TCF12: variants seen among roughly 807,000 people sequenced by gnomAD.
TCF12 encodes the protein transcription factor 12.
TCF12 carries 45 observed loss-of-function variants against 86.0 expected under a neutral mutation model. The observed-to-expected ratio is 0.52, with a 90% CI of 0.41 to 0.67. TCF12 has a LOEUF of 0.67. TCF12 is among the 30% of genes least tolerant of loss of function. The pLI, the probability that TCF12 is intolerant of heterozygous loss-of-function variation, is 0.00. For synonymous variants in TCF12, 330 were observed against 299.6 expected, an observed-to-expected ratio of 1.10 and a Z score of -1.05; for missense variants, 881 against 859.9, an observed-to-expected ratio of 1.02 and a Z score of -0.31.
chr15:57,067,774 T>G (rs946512115), intron 4 of TCF12, among the ~76,000 whole-genome samples: 3 of 152,140 alleles, frequency 2.0e-5, no homozygotes, highest in African/African-American at 7.2e-5. Context: ...CATGAACATA[T>G]AGATAGAATC....
intron 3 of TCF12, among the ~76,000 whole-genome samples, chr15:57,028,403 A>C (rs1309259033): frequency 1.3e-5 from 2 of 152,088 alleles, no homozygotes; most frequent in African/African-American, 4.8e-5. Context: ...AGTCATTTTA[A>C]GTTTTGTTAT....
intron 6 of TCF12, among the ~76,000 whole-genome samples, chr15:57,185,894 A>G (rs1194955461): frequency 1.1e-4 from 16 of 152,208 alleles, no homozygotes; most frequent in Admixed American, 1.0e-3. Flanking sequence ...AAAGCAAACA[A>G]AAGTAAACAA....
At chr15:57,086,817 A>G (rs940154599) in intron 4 of TCF12, among the ~76,000 whole-genome samples, 1 of 152,114 alleles carries the variant, frequency 6.6e-6, no homozygotes, top group East Asian at 1.9e-4. Context: ...AGAAATAACA[A>G]CATAGGTTTG....
intron 3 of TCF12, among the ~76,000 whole-genome samples, chr15:56,985,524 A>G (rs1441053563): frequency 6.6e-6 from 1 of 152,184 alleles, no homozygotes; most frequent in African/African-American, 2.4e-5. Flanking sequence ...GCAAATTGGC[A>G]TTATCAAACT....
At position 57,072,633 on chromosome 15, in the gene TCF12, T is replaced by C. The variant is rs77118357; in HGVS notation, c.222+8810T>C. 795 of 1,291,122 alleles carry C rather than the reference T, an allele frequency of 6.2e-4. 6 individuals carry two copies. In the African/African-American group the frequency reaches 0.011, roughly 19 times the overall value. 80.0% of individuals were successfully genotyped at this position (1,291,122 alleles called of 1,614,324 possible). A position where few individuals can be genotyped will look rare whatever the true frequency, so the allele number is the denominator to read the frequency against. ...GGACACACGAATTTTGAAATAGTAT[T>C]TTATGCCTCTTGATCTCAGGTACAA... On this transcript the variant is annotated intron_variant, in intron 4 of 20. Transcript: ENST00000333725.
At chr15:57,231,311 C>A in intron 9 of TCF12, 54 bp downstream of exon 9, 1 of 1,316,030 alleles carries the variant, frequency 7.6e-7, no homozygotes, top group Non-Finnish European at 1.1e-6. Context: ...GTATATCAGC[C>A]AGTATTTTAA....
At position 57,026,775 on chromosome 15, in the gene TCF12, G is replaced by A. The variant is rs574789695; in HGVS notation, c.149-36975G>A. Among the ~76,000 whole-genome samples, 13 of 151,768 alleles carry A rather than the reference G, an allele frequency of 8.6e-5. 1 individual carries two copies. Among genetic ancestry groups the A allele is most frequent in the Admixed American group, 2.6e-4 (4 of 15,240 alleles). On this transcript the variant is annotated intron_variant, in intron 3 of 20. Coordinates refer to ENST00000333725, the MANE Select transcript of TCF12 (RefSeq NM_207037.2). ...TACATACAGTCATTTCTTGATGTCC[G>A]TGGGGGATTGGTTCCAGGACCCCTG...
intron 12 of TCF12, among the ~76,000 whole-genome samples, chr15:57,239,176 A>T (rs1338421955): frequency 6.6e-6 from 1 of 151,828 alleles, no homozygotes; most frequent in African/African-American, 2.4e-5. Flanking sequence ...ACACGGAGAA[A>T]CCCCGTCTCT....
intron 19 of TCF12, among the ~76,000 whole-genome samples, chr15:57,276,410 A>G (rs1363118898): frequency 6.6e-6 from 1 of 152,204 alleles, no homozygotes; most frequent in African/African-American, 2.4e-5. Flanking sequence ...TTTAACCCAC[A>G]AGGACAGATG....
intron 5 of TCF12, among the ~76,000 whole-genome samples, chr15:57,153,296 TCAGA>T (rs1199281371): frequency 2.0e-5 from 3 of 152,270 alleles, no homozygotes; most frequent in Admixed American, 6.5e-5. Flanking sequence ...GCTTTGTGGG[TCAGA>T]CAGTTTCTGT....
intron 4 of TCF12, among the ~76,000 whole-genome samples, chr15:57,089,722 A>G (rs1403396377): frequency 1.3e-5 from 2 of 152,140 alleles, no homozygotes; most frequent in Non-Finnish European, 2.9e-5. Context: ...GCTGTTCCGC[A>G]AGCACATTTT....
chr15:56,933,970 A>AGAATTCTGATGAATCATCAGAATCTCT (rs1211875767), intron 3 of TCF12, among the ~76,000 whole-genome samples: 24 of 152,202 alleles, frequency 1.6e-4, no homozygotes, highest in Admixed American at 9.8e-4. Flanking sequence ...TCAGAATGTC[A>AGAATTCTGATGAATCATCAGAATCTCT]GAATTCTGAT....
At chr15:56,994,768 C>G (rs139444110) in intron 3 of TCF12, among the ~76,000 whole-genome samples, 1 of 152,138 alleles carries the variant, frequency 6.6e-6, no homozygotes, top group East Asian at 1.9e-4. Flanking sequence ...AAAGGAAAAA[C>G]TAAGAATATC....
At chr15:57,253,140 A>G (rs2060195273) in intron 15 of TCF12, 122 bp from the exon 16 acceptor site, 1 of 1,017,490 alleles carries the variant, frequency 9.8e-7, no homozygotes, top group Non-Finnish European at 1.5e-6. Flanking sequence ...GTTGCTTTTG[A>G]AGCTACTTGA....
intron 3 of TCF12, among the ~76,000 whole-genome samples, chr15:56,993,051 A>G (rs2084092633): frequency 6.6e-6 from 1 of 152,142 alleles, no homozygotes; most frequent in African/African-American, 2.4e-5. Flanking sequence ...ATGAATGAAG[A>G]CTAGCATTCA....
At chr15:57,242,076 A>C (rs1284943048) in intron 12 of TCF12, among the ~76,000 whole-genome samples, 1 of 152,156 alleles carries the variant, frequency 6.6e-6, no homozygotes, top group Non-Finnish European at 1.5e-5. Context: ...GGCTTTGTCA[A>C]ATCTTGAAAG....
Position 57,129,303 on chromosome 15 carries a change from A to G in TCF12, c.326-37099A>G, listed in dbSNP as rs567103878. On this transcript the variant is annotated intron_variant, in intron 5 of 20. Transcript: ENST00000333725. The stretch of plus-strand genomic sequence containing the variant: ...AGGTTGGGTGCTATGGCTTATGCCT[A>G]TAATCCCAGCACCTTGGGAGGCTGA... 3.8e-4 allele frequency among the ~76,000 whole-genome samples: 58 copies of G among 152,346 alleles called. 1 individual carries two copies. The highest frequency in any genetic ancestry group is 1.3e-3 in the African/African-American group (54 of 41,588).
At chr15:57,188,903 T>C (rs1260459250) in intron 6 of TCF12, among the ~76,000 whole-genome samples, 3 of 152,234 alleles carry the variant, frequency 2.0e-5, no homozygotes, top group African/African-American at 7.2e-5. Flanking sequence ...TCTTCCCACC[T>C]CAGCCTCCTG....
intron 3 of TCF12, among the ~76,000 whole-genome samples, chr15:57,035,882 C>T (rs1298058519): frequency 3.3e-5 from 5 of 152,168 alleles, no homozygotes; most frequent in African/African-American, 7.2e-5. Context: ...CAAACATTAT[C>T]TCCTGAGCTC....
Sources: gnomAD v4.1 joint callset for allele counts (sites outside exome capture counted in the v4.1 genomes callset) on GRCh38, gnomAD v4.1.1 for gene constraint, MANE v1.5 for transcripts, NCBI Gene and HGNC (gene_info 2026-07-23, HGNC 2026-07-21) for gene names.